Variants in PVT1 observed in about 807,000 individuals in gnomAD.
The protein encoded by PVT1 is CXCR4/PVT1 fusion.
At chr8:127,830,506 T>G (rs1814837356) in intron 2 of PVT1, among the ~76,000 whole-genome samples, 1 of 151,552 alleles carries the variant, frequency 6.6e-6, no homozygotes, top group Non-Finnish European at 1.5e-5. Context: ...AAAACGTAGA[T>G]TTTACATTTA....
chr8:128,063,197 C>G (rs1316140290), intron 4 of PVT1, among the ~76,000 whole-genome samples: 2 of 152,132 alleles, frequency 1.3e-5, no homozygotes, highest in East Asian at 3.8e-4. Flanking sequence ...TAGGTTTCAT[C>G]TGTAATCGTT....
chr8:127,995,855 A>G (rs1185377276), intron 4 of PVT1, among the ~76,000 whole-genome samples: 1 of 152,218 alleles, frequency 6.6e-6, no homozygotes, highest in East Asian at 1.9e-4. Context: ...TGCGGAACGT[A>G]TGTGAAGCGC....
At chr8:128,086,990 A>G (rs945132102) in intron 5 of PVT1, among the ~76,000 whole-genome samples, 1 of 152,234 alleles carries the variant, frequency 6.6e-6, no homozygotes, top group Non-Finnish European at 1.5e-5. Context: ...TAATTTTCTT[A>G]TCTACTTCCC....
At chr8:127,912,694 C>T (rs1156742243) in intron 3 of PVT1, among the ~76,000 whole-genome samples, 1 of 151,698 alleles carries the variant, frequency 6.6e-6, no homozygotes, top group African/African-American at 2.4e-5. Flanking sequence ...TATATCTTTC[C>T]CTCCCTTCTT....
intron 4 of PVT1, among the ~76,000 whole-genome samples, chr8:127,990,451 T>A (rs1355331430): frequency 6.6e-6 from 1 of 152,006 alleles, no homozygotes; most frequent in African/African-American, 2.4e-5. Flanking sequence ...AAGAAGAAAG[T>A]TTTTAAAGGT....
chr8:127,920,490 C>T (rs1816043092), intron 3 of PVT1, among the ~76,000 whole-genome samples: 1 of 152,314 alleles, frequency 6.6e-6, no homozygotes, highest in East Asian at 1.9e-4. Context: ...TACTAGTACC[C>T]ACCTTCTAAA....
At chr8:127,815,814 C>G (rs1484799059) in intron 2 of PVT1, among the ~76,000 whole-genome samples, 1 of 152,164 alleles carries the variant, frequency 6.6e-6, no homozygotes, top group Non-Finnish European at 1.5e-5. Flanking sequence ...CCATTATACA[C>G]TATTAATACC....
intron 3 of PVT1, among the ~76,000 whole-genome samples, chr8:127,919,805 C>T (rs1816035465): frequency 6.6e-6 from 1 of 152,226 alleles, no homozygotes; most frequent in Admixed American, 6.5e-5. Flanking sequence ...CCCTCGCATG[C>T]AGGCCCACCA....
At chr8:128,001,436 GCTT>G (rs1329147906) in intron 4 of PVT1, among the ~76,000 whole-genome samples, 3 of 152,070 alleles carry the variant, frequency 2.0e-5, no homozygotes, top group Non-Finnish European at 4.4e-5. Context: ...TGGGCTGAGT[GCTT>G]CTTGGGGGGT....
chr8:127,849,524 C>T (rs566342892), intron 2 of PVT1, among the ~76,000 whole-genome samples: 2 of 152,338 alleles, frequency 1.3e-5, no homozygotes, highest in African/African-American at 4.8e-5. Flanking sequence ...TGGTAGCTAT[C>T]ATTCACACTC....
At chr8:127,887,549 T>C (rs10956393) in intron 2 of PVT1, among the ~76,000 whole-genome samples, 106,942 of 152,076 alleles carry the variant, frequency 0.7, 38,457 homozygotes, top group African/African-American at 0.86. Flanking sequence ...GACAAAATCT[T>C]ACTCTGTGCT....
chr8:127,810,220 T>A (rs1451818980), intron 2 of PVT1, among the ~76,000 whole-genome samples: 2 of 152,236 alleles, frequency 1.3e-5, no homozygotes, highest in African/African-American at 4.8e-5. Flanking sequence ...GCAAAGGCCA[T>A]ATCTCTTCCT....
intron 3 of PVT1, chr8:127,946,742 C>T (rs1241851347): frequency 1.3e-5 from 2 of 154,172 alleles, no homozygotes; most frequent in Non-Finnish European, 2.9e-5. Context: ...GGAACAATGC[C>T]TTTCTTTAAT....
Position 127,914,260 on chromosome 8 carries a change from C to CAAA in PVT1, n.782+23300_782+23302dup, listed in dbSNP as rs60359946. 2.0e-3 allele frequency among the ~76,000 whole-genome samples: 94 copies of CAAA among 47,858 alleles called. 14 individuals carry two copies. Among genetic ancestry groups the CAAA allele is most frequent in the South Asian group, 3.3e-3 (3 of 908 alleles). The allele number at this position is 47,858 out of a possible 152,430, so 31.4% of individuals were successfully genotyped here. On this transcript the variant is annotated intron_variant and non_coding_transcript_variant, in intron 3 of 10. Coordinates refer to ENST00000651587, the Ensembl canonical transcript of PVT1. ...AATTAAACACCACCACCACCAACAG[C>CAAA]AAAAAAAAAAAAAAAAAAAAAAAAA...
At chr8:127,814,914 A>G (rs6470580) in intron 2 of PVT1, among the ~76,000 whole-genome samples, 11,657 of 152,216 alleles carry the variant, frequency 0.077, 1,506 homozygotes, top group African/African-American at 0.27. Context: ...AGGTGGAATC[A>G]TAGTATTCAT....
At chr8:128,061,866 C>A (rs1813835377) in intron 4 of PVT1, among the ~76,000 whole-genome samples, 1 of 152,174 alleles carries the variant, frequency 6.6e-6, no homozygotes, top group South Asian at 2.1e-4. Context: ...TTGAGCATTG[C>A]ACGGCATGTG....
chr8:127,886,340 TA>T (rs1232898546), intron 2 of PVT1, among the ~76,000 whole-genome samples: 3 of 152,192 alleles, frequency 2.0e-5, no homozygotes, highest in Admixed American at 6.5e-5. Flanking sequence ...CTGATATTCT[TA>T]TATCTATAAA....
chr8:128,041,003 TTGTG>T (rs961190255), intron 4 of PVT1, among the ~76,000 whole-genome samples: 5 of 148,042 alleles, frequency 3.4e-5, no homozygotes, highest in African/African-American at 1.2e-4. Flanking sequence ...GTTTATGCTT[TTGTG>T]TTTCTGTGTG....
At chr8:127,835,775 G>C (rs556644692) in intron 2 of PVT1, among the ~76,000 whole-genome samples, 22 of 152,284 alleles carry the variant, frequency 1.4e-4, no homozygotes, top group African/African-American at 4.8e-4. Context: ...TAGTCAAGAA[G>C]AGGTTGGAAT....
Sources: allele counts gnomAD v4.1 joint callset (sites outside exome capture counted in the v4.1 genomes callset), GRCh38; gene constraint gnomAD v4.1.1; transcripts MANE v1.5; gene names NCBI Gene and HGNC (gene_info 2026-07-23, HGNC 2026-07-21).